The following THEMIS variants were observed in gnomAD, a reference collection of about 807,000 sequenced individuals.
The protein encoded by THEMIS is thymocyte selection associated.
In THEMIS, 37 loss-of-function variants were observed where a neutral mutation model predicts 52.6. That is an observed-to-expected ratio of 0.70 (90% CI 0.54 to 0.93). The LOEUF (loss-of-function observed/expected upper bound fraction) is 0.93, where lower values mean the gene tolerates loss of function less well. Among genes scored for constraint, THEMIS ranks in the 40% least tolerant of loss-of-function variants. The pLI, the probability that THEMIS is intolerant of heterozygous loss-of-function variation, is 0.00. For synonymous variants in THEMIS, 292 were observed against 272.7 expected, an observed-to-expected ratio of 1.07 and a Z score of -0.70; for missense variants, 808 against 763.1, an observed-to-expected ratio of 1.06 and a Z score of -0.69.
upstream of THEMIS, among the ~76,000 whole-genome samples, chr6:127,905,006 C>G (rs916218420): frequency 1.3e-5 from 2 of 151,984 alleles, no homozygotes; most frequent in Non-Finnish European, 2.9e-5. Context: ...AGAGATATTT[C>G]AGCCATAGTG....
At chr6:127,906,638 A>G (rs770588133) in intron 1 of THEMIS, among the ~76,000 whole-genome samples, 1 of 151,936 alleles carries the variant, frequency 6.6e-6, no homozygotes, top group Admixed American at 6.6e-5. Context: ...TGCATTTCAC[A>G]TTACCCTAAT....
In THEMIS at chr6:127,731,864, ATTTTTTTTT is replaced by A. The variant is rs58263706; in HGVS notation, c.1759-12050_1759-12042del. ...AGGTGCATGCCACCATGCCCGGCTAATTTTTTTTTTTTTTTTTTTTTTTAGTAGAGATGG... is the reference window on the plus strand; with the variant it reads ...AGGTGCATGCCACCATGCCCGGCTAATTTTTTTTTTTTTTAGTAGAGATGG... On this transcript the variant is annotated intron_variant, in intron 4 of 5. Coordinates refer to ENST00000368248, the MANE Select transcript of THEMIS (RefSeq NM_001010923.3). Among the ~76,000 whole-genome samples, 6 of 41,718 alleles carry A rather than the reference ATTTTTTTTT, an allele frequency of 1.4e-4. No homozygotes were observed. In the South Asian group the frequency reaches 8.4e-3, roughly 58 times the overall value. 27.4% of individuals were successfully genotyped at this position (41,718 alleles called of 152,430 possible).
At position 127,832,031 on chromosome 6, in the gene THEMIS, TAA is replaced by T. The variant is rs150418739; in HGVS notation, c.251-2099_251-2098del. 9.9e-5 allele frequency among the ~76,000 whole-genome samples: 15 copies of T among 152,252 alleles called. No individual in the cohort carries two copies. In the East Asian group the frequency reaches 2.7e-3, roughly 27 times the overall value. On this transcript the variant is annotated intron_variant, in intron 2 of 5. Coordinates refer to ENST00000368248, the MANE Select transcript of THEMIS (RefSeq NM_001010923.3). ...AGAAAATTCAGCAGTTATTGTGAAATAAGTTTTTAAAAAATGCGTACCTAAAA... is the reference window on the plus strand; with the variant it reads ...AGAAAATTCAGCAGTTATTGTGAAATGTTTTTAAAAAATGCGTACCTAAAA...
intron 3 of THEMIS, among the ~76,000 whole-genome samples, chr6:127,825,886 G>A (rs542900274): frequency 2.0e-5 from 3 of 152,158 alleles, no homozygotes; most frequent in Non-Finnish European, 2.9e-5. Context: ...CAAAGAAAAC[G>A]ATAAGGTCGT....
intron 4 of THEMIS, among the ~76,000 whole-genome samples, chr6:127,760,123 A>G (rs1775972705): frequency 6.7e-6 from 1 of 150,120 alleles, no homozygotes; most frequent in Non-Finnish European, 1.5e-5. Flanking sequence ...TTTTCTCAAC[A>G]CTATTTGTTG....
intron 4 of THEMIS, among the ~76,000 whole-genome samples, chr6:127,811,869 G>A (rs1183291974): frequency 6.6e-6 from 1 of 152,130 alleles, no homozygotes; most frequent in Non-Finnish European, 1.5e-5. Flanking sequence ...ATTTCTGCTG[G>A]TTTTATCTTT....
intron 1 of THEMIS, among the ~76,000 whole-genome samples, chr6:127,887,330 A>G (rs1184478449): frequency 1.3e-5 from 2 of 152,084 alleles, no homozygotes; most frequent in Non-Finnish European, 2.9e-5. Flanking sequence ...ACAATGAGAT[A>G]CCACTGGCTA....
Position 127,812,998 on chromosome 6 carries a change from C to T in THEMIS, c.1643G>A (p.Ser548Asn), listed in dbSNP as rs780704106. Residue 548 changes from serine to asparagine, a missense_variant, in exon 4 of 6, where the codon AGC (serine) becomes AAC (asparagine). Coordinates refer to ENST00000368248, the MANE Select transcript of THEMIS (RefSeq NM_001010923.3). ...GCGAGGTGGGGGATGTGAGGCTGAG[C>T]TTTCATATCTCCGCATCATGTAATA... ...EQYYMMRRYE[S>N]SASHPPPRPP... 1 of 1,614,036 alleles carries T rather than the reference C, an allele frequency of 6.2e-7. No homozygotes were observed. Among genetic ancestry groups the T allele is most frequent in the South Asian group, 1.1e-5 (1 of 91,074 alleles).
At chr6:127,819,126 A>G (rs1778242635) in intron 3 of THEMIS, among the ~76,000 whole-genome samples, 1 of 144,132 alleles carries the variant, frequency 6.9e-6, no homozygotes, top group African/African-American at 2.5e-5. Flanking sequence ...TCTAAAAAAA[A>G]AAAAAAAAAA....
In THEMIS at chr6:127,918,069, T is replaced by C. The variant is rs146069835; in HGVS notation, c.-150+359A>G. 2.0e-4 allele frequency among the ~76,000 whole-genome samples: 31 copies of C among 152,298 alleles called. 1 individual carries two copies. In the East Asian group the frequency reaches 4.8e-3, roughly 24 times the overall value. ...AAGAATCATGTACAATTAGAGTAAA[T>C]TTGGAAGTCATTCTTCTTTAGCTAT... is the stretch of plus-strand genomic sequence containing the variant. On this transcript the variant is annotated intron_variant, in intron 1 of 6. Transcript: ENST00000368250.
rs200502617 is a variant in THEMIS at position 127,787,852 on chromosome 6, T to G, written c.1758+25031A>C. On this transcript the variant is annotated intron_variant, in intron 4 of 5. Transcript: ENST00000368248. Reference sequence around the variant, plus strand: ...ATAGATAGATAGAGATAGACAGATATAGATAGATAGATAGATAGATAGATA... The same window carrying G: ...ATAGATAGATAGAGATAGACAGATAGAGATAGATAGATAGATAGATAGATA... Among the ~76,000 whole-genome samples, 35 of 114,898 alleles carry G rather than the reference T, an allele frequency of 3.0e-4. No homozygotes were observed. In the East Asian group the frequency reaches 5.3e-3, roughly 17 times the overall value. The allele number at this position is 114,898 out of a possible 152,430, so 75.4% of individuals were successfully genotyped here. A position where few individuals can be genotyped will look rare whatever the true frequency, so the allele number is the denominator to read the frequency against.
chr6:127,819,417 A>G (rs1419049545), intron 3 of THEMIS, among the ~76,000 whole-genome samples: 1 of 152,168 alleles, frequency 6.6e-6, no homozygotes, highest in Admixed American at 6.5e-5. Flanking sequence ...CAAGACTGAG[A>G]ATTTTCCAAA....
At position 127,726,001 on chromosome 6, in the gene THEMIS, G is replaced by T. The variant is rs374200203; in HGVS notation, c.1759-6178C>A. On this transcript the variant is annotated intron_variant, in intron 4 of 5. Coordinates refer to ENST00000368248, the MANE Select transcript of THEMIS (RefSeq NM_001010923.3). The stretch of plus-strand genomic sequence containing the variant: ...GCATCACTTACCCTCCTTTGTTAGT[G>T]CTCCTCCTCCCTGGACCATTCACAC... Among the ~76,000 whole-genome samples, 3 of 152,084 alleles carry T rather than the reference G, an allele frequency of 2.0e-5. No homozygotes were observed. The East Asian group carries it at 5.8e-4, about 30-fold the overall frequency.
chr6:127,705,817 C>A (rs113573431), downstream of THEMIS, among the ~76,000 whole-genome samples: 118 of 152,218 alleles, frequency 7.8e-4, 2 homozygotes, highest in African/African-American at 2.8e-3. Flanking sequence ...AACCTGCTGG[C>A]CTCTTGGATT....
rs763756804 is a variant in THEMIS, at chr6:127,813,118, C to T, written c.1523G>A (p.Arg508His). The T allele has an allele frequency of 3.1e-6, 5 of 1,614,026 alleles. No homozygotes were observed. The highest frequency in any genetic ancestry group is 1.3e-5 in the African/African-American group (1 of 74,980). ...AACTAACTGAACAGTCATATTCAAG[C>T]GGCCCACAGGAATTTCCCAGCACTC... ...PTECWEIPVG[R>H]LNMTVQLVSN... The change falls in exon 4 of 6, where the codon CGC (arginine) becomes CAC (histidine). Residue 508 changes from arginine (R) to histidine (H), a missense_variant. Arg to His is a conservative substitution (Grantham distance 29). Transcript: ENST00000368248.
At chr6:127,896,500 A>G (rs198523) in intron 1 of THEMIS, among the ~76,000 whole-genome samples, 111,936 of 151,364 alleles carry the variant, frequency 0.74, 41,916 homozygotes, top group East Asian at 0.97. Context: ...TAAATAACTA[A>G]AGAGCTATAC....
chr6:127,877,898 G>A (rs766628266), intron 1 of THEMIS, among the ~76,000 whole-genome samples: 22 of 152,080 alleles, frequency 1.4e-4, no homozygotes, highest in Non-Finnish European at 2.8e-4. Context: ...AAAAAATGAA[G>A]TATGCCTGTA....
intron 4 of THEMIS, among the ~76,000 whole-genome samples, chr6:127,787,850 T>TATAGATAGATGATAG (rs779580245): frequency 6.0e-4 from 83 of 137,610 alleles, no homozygotes; most frequent in African/African-American, 2.2e-3. Context: ...GATAGACAGA[T>TATAGATAGATGATAG]ATAGATAGAT....
chr6:127,717,069 G>A (rs900698881), intron 5 of THEMIS, among the ~76,000 whole-genome samples: 5 of 151,906 alleles, frequency 3.3e-5, no homozygotes, highest in Non-Finnish European at 4.4e-5. Flanking sequence ...TTTACAGAGC[G>A]TATCATAGGA....
Sources: gnomAD v4.1 joint callset for allele counts (sites outside exome capture counted in the v4.1 genomes callset) on GRCh38, gnomAD v4.1.1 for gene constraint, MANE v1.5 for transcripts, NCBI Gene and HGNC (gene_info 2026-07-23, HGNC 2026-07-21) for gene names.